Variants in ZCCHC7 observed in about 807,000 individuals in gnomAD.
ZCCHC7 encodes the protein zinc finger CCHC-type containing 7.
Under a neutral mutation model 52.0 loss-of-function variants are expected in ZCCHC7, and 35 were observed. The ratio of observed to expected loss-of-function variants is 0.67; its 90% CI spans 0.51 to 0.89. The LOEUF (loss-of-function observed/expected upper bound fraction) is 0.89, where lower values mean the gene tolerates loss of function less well. ZCCHC7 is among the 40% of genes least tolerant of loss of function. The pLI is 0.00. For synonymous variants in ZCCHC7, 217 were observed against 221.5 expected (o/e 0.98, Z 0.18); for missense variants, 574 against 649.1 (o/e 0.88, Z 1.26).
At chr9:37,120,181 G>A (rs1203006414), upstream of ZCCHC7, among the ~76,000 whole-genome samples, 1 of 152,228 alleles carries the variant, frequency 6.6e-6, no homozygotes, top group Non-Finnish European at 1.5e-5. Flanking sequence ...TCCACCGAGC[G>A]CCAGGGAGAA....
intron 7 of ZCCHC7, 51 bp downstream of exon 7, chr9:37,349,503 T>C: frequency 4.6e-6 from 7 of 1,532,212 alleles, no homozygotes; most frequent in Non-Finnish European, 6.3e-6. Flanking sequence ...CAGGGAGTGT[T>C]TTCTGAAAGA....
chr9:37,191,850 G>C (rs966678938), intron 2 of ZCCHC7, among the ~76,000 whole-genome samples: 1 of 152,194 alleles, frequency 6.6e-6, no homozygotes, highest in Non-Finnish European at 1.5e-5. Context: ...CATTAATTCA[G>C]CCTTCATTAA....
At chr9:37,227,151 T>C (rs1183984457) in intron 2 of ZCCHC7, among the ~76,000 whole-genome samples, 1 of 151,650 alleles carries the variant, frequency 6.6e-6, no homozygotes, top group East Asian at 1.9e-4. Context: ...AAATTTAAAA[T>C]ATGTAGACTT....
intron 2 of ZCCHC7, among the ~76,000 whole-genome samples, chr9:37,215,778 C>G (rs1160614593): frequency 6.6e-6 from 1 of 152,126 alleles, no homozygotes; most frequent in Non-Finnish European, 1.5e-5. Context: ...AAGGGCCATA[C>G]TTAGACTTGT....
At chr9:37,178,011 A>G (rs1405002470) in intron 2 of ZCCHC7, among the ~76,000 whole-genome samples, 1 of 152,210 alleles carries the variant, frequency 6.6e-6, no homozygotes, top group Non-Finnish European at 1.5e-5. Flanking sequence ...AATTTTGTCA[A>G]ATTTACCATA....
chr9:37,320,940 ATTTGTTAT>A lies in ZCCHC7; in HGVS notation c.952-6856_952-6849del, dbSNP rs574388568. Among the ~76,000 whole-genome samples, 114 of 141,176 alleles carry A rather than the reference ATTTGTTAT, an allele frequency of 8.1e-4. 2 individuals are homozygous for A. Among genetic ancestry groups the A allele is most frequent in the African/African-American group, 2.9e-3 (109 of 38,204 alleles). 92.6% of individuals were successfully genotyped at this position (141,176 alleles called of 152,430 possible). A position where few individuals can be genotyped will look rare whatever the true frequency, so the allele number is the denominator to read the frequency against. ...TTTTAAACAATTTGCTCTATTAAGT[ATTTGTTAT>A]TTATGATGGAGTTTATATAATTGGG... On this transcript the variant is annotated intron_variant, in intron 5 of 8. Coordinates refer to ENST00000336755, the MANE Select transcript of ZCCHC7 (RefSeq NM_032226.3).
upstream of ZCCHC7, chr9:37,120,557 C>G: frequency 5.0e-6 from 2 of 399,394 alleles, no homozygotes; most frequent in Non-Finnish European, 4.4e-6. Context: ...CTCATTTGTC[C>G]TCGCCCCTCC....
intron 1 of ZCCHC7, among the ~76,000 whole-genome samples, chr9:37,123,624 G>T (rs1027712821): frequency 2.0e-5 from 3 of 152,120 alleles, no homozygotes; most frequent in Non-Finnish European, 2.9e-5. Flanking sequence ...GTACAAACTT[G>T]TAACTTTGTA....
At chr9:37,120,790 G>A (rs902333223) in intron 1 of ZCCHC7, 167 bp downstream of exon 1, 1 of 325,668 alleles carries the variant, frequency 3.1e-6, no homozygotes, top group Non-Finnish European at 5.6e-6. Context: ...CGTCACCTGC[G>A]CGCCGCCCCA....
At chr9:37,168,989 A>C (rs1821581106) in intron 2 of ZCCHC7, among the ~76,000 whole-genome samples, 2 of 152,192 alleles carry the variant, frequency 1.3e-5, no homozygotes, top group African/African-American at 4.8e-5. Flanking sequence ...CCCTTCCTAC[A>C]TCCCGAGACA....
chr9:37,341,142 TC>T (rs1820610366), intron 6 of ZCCHC7, among the ~76,000 whole-genome samples: 1 of 152,186 alleles, frequency 6.6e-6, no homozygotes, highest in Non-Finnish European at 1.5e-5. Context: ...AAGACTGAGT[TC>T]CTGTTCACTT....
At chr9:37,222,629 A>G (rs1389229055) in intron 2 of ZCCHC7, among the ~76,000 whole-genome samples, 2 of 152,096 alleles carry the variant, frequency 1.3e-5, no homozygotes, top group African/African-American at 4.8e-5. Context: ...AAAGTTAGAA[A>G]CTATAGTTAC....
chr9:37,235,350 T>G (rs907204702), intron 2 of ZCCHC7, among the ~76,000 whole-genome samples: 4 of 152,160 alleles, frequency 2.6e-5, no homozygotes, highest in Non-Finnish European at 5.9e-5. Flanking sequence ...AGAAATCATG[T>G]GGTATTTGTC....
intron 6 of ZCCHC7, among the ~76,000 whole-genome samples, chr9:37,329,147 T>C (rs977320997): frequency 4.0e-5 from 6 of 151,868 alleles, no homozygotes; most frequent in Non-Finnish European, 7.4e-5. Context: ...CTGTATAAAG[T>C]AATATCCTTA....
intron 2 of ZCCHC7, among the ~76,000 whole-genome samples, chr9:37,204,866 C>T (rs1245630106): frequency 6.6e-6 from 1 of 152,104 alleles, no homozygotes; most frequent in East Asian, 1.9e-4. Context: ...TAAGCATGGG[C>T]TTTTCAGTTA....
At chr9:37,237,572 A>G (rs1825709146) in intron 2 of ZCCHC7, among the ~76,000 whole-genome samples, 1 of 152,200 alleles carries the variant, frequency 6.6e-6, no homozygotes, top group Admixed American at 6.5e-5. Context: ...GTCAGGAAGT[A>G]TATGTCTTGT....
Position 37,241,207 on chromosome 9 carries a change from C to T in ZCCHC7, c.611-60981C>T, listed in dbSNP as rs184958110. ...AAACCTTTAGCTATTTAGATAAGTC[C>T]CAGTCATACCTAAAATTTTTACTTA... On this transcript the variant is annotated intron_variant, in intron 2 of 8. Coordinates refer to ENST00000336755, the MANE Select transcript of ZCCHC7 (RefSeq NM_032226.3). 8.6e-5 allele frequency among the ~76,000 whole-genome samples: 13 copies of T among 151,482 alleles called. No individual in the cohort carries two copies. In the East Asian group the frequency reaches 2.3e-3, roughly 27 times the overall value.
intron 1 of ZCCHC7, among the ~76,000 whole-genome samples, chr9:37,122,461 T>G (rs563612004): frequency 6.6e-6 from 1 of 152,340 alleles, no homozygotes; most frequent in South Asian, 2.1e-4. Flanking sequence ...TGGGAGATTC[T>G]TAAATGGCAA....
At chr9:37,299,723 A>T (rs1828945755) in intron 2 of ZCCHC7, among the ~76,000 whole-genome samples, 2 of 152,190 alleles carry the variant, frequency 1.3e-5, no homozygotes, top group Non-Finnish European at 2.9e-5. Flanking sequence ...GTTCCTGGTG[A>T]TGTCTTTGCT....
Sources: gnomAD v4.1 joint callset for allele counts (sites outside exome capture counted in the v4.1 genomes callset) on GRCh38, gnomAD v4.1.1 for gene constraint, MANE v1.5 for transcripts, NCBI Gene and HGNC (gene_info 2026-07-23, HGNC 2026-07-21) for gene names.